The following FRS2 variants were observed in gnomAD, a reference collection of about 807,000 sequenced individuals.
The protein encoded by FRS2 is FGFR signalling adaptor.
In FRS2, 8 loss-of-function variants were observed where a neutral mutation model predicts 43.9. The ratio of observed to expected loss-of-function variants is 0.18; its 90% CI spans 0.11 to 0.33. The LOEUF (loss-of-function observed/expected upper bound fraction) is 0.33, where lower values mean the gene tolerates loss of function less well. FRS2 is among the 10% of genes least tolerant of loss of function. The pLI, the probability that FRS2 is intolerant of heterozygous loss-of-function variation, is 1.00. For synonymous variants in FRS2, 219 were observed against 220.3 expected, an observed-to-expected ratio of 0.99 and a Z score of 0.05; for missense variants, 534 against 627.6, an observed-to-expected ratio of 0.85 and a Z score of 1.59.
At chr12:69,522,113 G>A (rs1467420383) in intron 1 of FRS2, among the ~76,000 whole-genome samples, 1 of 151,802 alleles carries the variant, frequency 6.6e-6, no homozygotes, top group East Asian at 1.9e-4. Context: ...TTGGTGTGCT[G>A]CTGGATTTGG....
At chr12:69,553,594 G>GAA (rs758732151) in intron 3 of FRS2, among the ~76,000 whole-genome samples, 1 of 145,444 alleles carries the variant, frequency 6.9e-6, no homozygotes, top group Non-Finnish European at 1.5e-5. Context: ...AAAGTATCAG[G>GAA]AAAAAAAAAA....
At chr12:69,554,641 C>A (rs951572250) in intron 3 of FRS2, among the ~76,000 whole-genome samples, 3 of 152,138 alleles carry the variant, frequency 2.0e-5, no homozygotes, top group Non-Finnish European at 4.4e-5. Flanking sequence ...ATTTACATTT[C>A]TTCTGTTTTT....
Position 69,520,854 on chromosome 12 carries a change from G to A in FRS2, c.-260-10011G>A, listed in dbSNP as rs185435773. On this transcript the variant is annotated intron_variant, in intron 1 of 8. Transcript: ENST00000549921. ...TAATTTGAAGTCAGGTAGCATGATG[G>A]CTCCTGCTTTGTTCTTTTTTCTTAG... Among the ~76,000 whole-genome samples, 26 of 152,118 alleles carry A rather than the reference G, an allele frequency of 1.7e-4. No individual in the cohort carries two copies. In the East Asian group the frequency reaches 4.1e-3, roughly 24 times the overall value.
chr12:69,490,281 A>G (rs959235244), intron 1 of FRS2, among the ~76,000 whole-genome samples: 2 of 152,170 alleles, frequency 1.3e-5, no homozygotes, highest in Non-Finnish European at 2.9e-5. Flanking sequence ...TTAAATAGCA[A>G]CATTTAAAAA....
At chr12:69,532,485 G>C (rs1391712523) in intron 3 of FRS2, among the ~76,000 whole-genome samples, 1 of 152,198 alleles carries the variant, frequency 6.6e-6, no homozygotes, top group Non-Finnish European at 1.5e-5. Context: ...ATCCTCCAGA[G>C]GGGAGGAATG....
Position 69,571,512 on chromosome 12 carries a change from A to G in FRS2, c.412+78A>G, listed in dbSNP as rs923994444. On this transcript the variant is annotated intron_variant, in intron 7 of 8. Coordinates refer to ENST00000549921, the MANE Select transcript of FRS2 (RefSeq NM_001278356.2). ...GCTATAGATTGTGGGTATTTAATCA[A>G]TAACACACTAGAAATCACCACTGGA... The G allele has an allele frequency of 8.9e-5, 99 of 1,114,102 alleles. No homozygotes were observed. In the African/African-American group the frequency reaches 1.2e-3, roughly 13 times the overall value. The allele number at this position is 1,114,102 out of a possible 1,614,324, so 69.0% of individuals were successfully genotyped here.
intron 1 of FRS2, among the ~76,000 whole-genome samples, chr12:69,498,366 A>G (rs17106636): frequency 0.021 from 3,234 of 152,314 alleles, 100 homozygotes; most frequent in African/African-American, 0.074. Flanking sequence ...TTCAAAGTCT[A>G]CAAGTTTTGA....
chr12:69,557,619 T>TGTGTGTGTGTGTGTGTGTGTGTGTGCGC (rs1555192498), intron 3 of FRS2, among the ~76,000 whole-genome samples: 5 of 118,966 alleles, frequency 4.2e-5, no homozygotes, highest in Non-Finnish European at 5.8e-5. Context: ...TGTGTGTGTG[T>TGTGTGTGTGTGTGTGTGTGTGTGTGCGC]GCGCGCGCGC....
chr12:69,478,263 C>T (rs1305538451), intron 1 of FRS2, among the ~76,000 whole-genome samples: 1 of 151,812 alleles, frequency 6.6e-6, no homozygotes, highest in Admixed American at 6.6e-5. Flanking sequence ...GTATTTCTAT[C>T]ATAATAAAAT....
At chr12:69,560,966 G>C (rs1006046388) in intron 3 of FRS2, among the ~76,000 whole-genome samples, 1 of 152,060 alleles carries the variant, frequency 6.6e-6, no homozygotes, top group Non-Finnish European at 1.5e-5. Flanking sequence ...GCAGGATAAG[G>C]GTTGCAGAAT....
intron 3 of FRS2, among the ~76,000 whole-genome samples, chr12:69,559,420 A>G (rs1294205263): frequency 6.6e-6 from 1 of 152,134 alleles, no homozygotes; most frequent in Non-Finnish European, 1.5e-5. Flanking sequence ...AGGGTTATGA[A>G]TTATGAAGCA....
At chr12:69,507,354 A>G (rs913116590) in intron 1 of FRS2, among the ~76,000 whole-genome samples, 2 of 152,176 alleles carry the variant, frequency 1.3e-5, no homozygotes, top group Non-Finnish European at 2.9e-5. Flanking sequence ...CTGTCCTGTT[A>G]TATGGGTGTG....
intron 1 of FRS2, among the ~76,000 whole-genome samples, chr12:69,499,759 A>C (rs1265487454): frequency 7.3e-6 from 1 of 136,194 alleles, no homozygotes; most frequent in African/African-American, 2.8e-5. Flanking sequence ...ATATAGGAGA[A>C]TCTAGCTAGG....
At chr12:69,498,519 T>TGTGTGTGTGTG (rs1873117530) in intron 1 of FRS2, among the ~76,000 whole-genome samples, 20 of 141,502 alleles carry the variant, frequency 1.4e-4, no homozygotes, top group Non-Finnish European at 2.6e-4. Context: ...TTATGAGGGT[T>TGTGTGTGTGTG]TGTGTGTGTG....
intron 1 of FRS2, among the ~76,000 whole-genome samples, chr12:69,497,248 G>A (rs550350655): frequency 1.3e-5 from 2 of 152,340 alleles, no homozygotes; most frequent in Non-Finnish European, 2.9e-5. Context: ...GTTGGTGAAA[G>A]GGTTGGAATG....
intron 1 of FRS2, among the ~76,000 whole-genome samples, chr12:69,530,321 C>G (rs528694593): frequency 1.3e-5 from 2 of 151,316 alleles, no homozygotes; most frequent in South Asian, 4.2e-4. Flanking sequence ...TTGCAAGGTC[C>G]CACTGGGTGA....
At chr12:69,508,511 G>A (rs1291947838) in intron 1 of FRS2, among the ~76,000 whole-genome samples, 1 of 151,916 alleles carries the variant, frequency 6.6e-6, no homozygotes, top group African/African-American at 2.4e-5. Context: ...AATGATAGTT[G>A]GAAAAAATGT....
intron 1 of FRS2, among the ~76,000 whole-genome samples, chr12:69,526,337 A>G (rs1483913303): frequency 6.6e-6 from 1 of 152,240 alleles, no homozygotes; most frequent in African/African-American, 2.4e-5. Context: ...ATGTGTCCTG[A>G]GAAGGAATTA....
At chr12:69,571,018 G>A (rs181655844) in intron 6 of FRS2, among the ~76,000 whole-genome samples, 2 of 152,304 alleles carry the variant, frequency 1.3e-5, no homozygotes, top group Admixed American at 6.5e-5. Flanking sequence ...ACAGACTAGC[G>A]TAAGTGCGCA....
Sources: allele counts gnomAD v4.1 joint callset (sites outside exome capture counted in the v4.1 genomes callset), GRCh38; gene constraint gnomAD v4.1.1; transcripts MANE v1.5; gene names NCBI Gene and HGNC (gene_info 2026-07-23, HGNC 2026-07-21).